The following SPOP variants were observed in gnomAD, a reference collection of about 807,000 sequenced individuals.
The protein encoded by SPOP is speckle type BTB/POZ protein.
SPOP carries 11 observed loss-of-function variants against 45.6 expected under a neutral mutation model. That is an observed-to-expected ratio of 0.24 (90% CI 0.15 to 0.40). SPOP has a LOEUF of 0.40. SPOP is among the 10% of genes least tolerant of loss of function. SPOP has a pLI of 1.00. For missense variants in SPOP, 152 were observed against 465.6 expected (o/e 0.33, Z 6.20); for synonymous variants, 166 against 166.3 (o/e 1.00, Z 0.01).
chr17:49,603,725 A>G (rs2071782743), intron 8 of SPOP, among the ~76,000 whole-genome samples: 1 of 152,262 alleles, frequency 6.6e-6, no homozygotes, highest in Admixed American at 6.5e-5. Flanking sequence ...GTTTTCAAAT[A>G]GGCTTGAAGC....
intron 6 of SPOP, among the ~76,000 whole-genome samples, chr17:49,609,759 TG>T (rs1217818706): frequency 6.6e-6 from 1 of 151,816 alleles, no homozygotes; most frequent in Non-Finnish European, 1.5e-5. Context: ...AACTCAGTTC[TG>T]GGGAAAAGAG....
chr17:49,602,492 C>T (rs577164196), intron 8 of SPOP: 1 of 153,686 alleles, frequency 6.5e-6, no homozygotes, highest in East Asian at 1.9e-4. Flanking sequence ...TTACTGCAAT[C>T]CCCTTAGAGC....
intron 1 of SPOP, among the ~76,000 whole-genome samples, chr17:49,640,099 A>C (rs960543194): frequency 1.1e-4 from 16 of 152,128 alleles, no homozygotes; most frequent in Admixed American, 3.9e-4. Context: ...AAAATACAAA[A>C]AAAATTAGCC....
intron 8 of SPOP, among the ~76,000 whole-genome samples, chr17:49,603,372 A>C (rs568290649): frequency 6.6e-6 from 1 of 152,324 alleles, no homozygotes. Flanking sequence ...TTCTCAATAC[A>C]TTCTTTTAAA....
chr17:49,641,593 A>G (rs1440733881), intron 1 of SPOP, among the ~76,000 whole-genome samples: 1 of 151,884 alleles, frequency 6.6e-6, no homozygotes, highest in Non-Finnish European at 1.5e-5. Context: ...AAAAACCCAG[A>G]ATGTTTCTCC....
chr17:49,641,704 TACAA>T (rs2143439181), intron 1 of SPOP, among the ~76,000 whole-genome samples: 1 of 152,244 alleles, frequency 6.6e-6, no homozygotes, highest in Admixed American at 6.6e-5. Flanking sequence ...AAAAAGTTGA[TACAA>T]ACATATTTTC....
rs562558980 is a variant in SPOP, at chr17:49,619,120, A to G, written c.353-12T>C. The G allele has an allele frequency of 2.1e-4, 340 of 1,603,240 alleles. No homozygotes were observed. The highest frequency in any genetic ancestry group is 1.3e-3 in the Middle Eastern group (8 of 6,022). On this transcript the variant is annotated splice_polypyrimidine_tract_variant and intron_variant, in intron 4 of 9. Transcript: ENST00000504102. The surrounding 1 kb of genome is among the most constrained non-coding windows in gnomAD (Gnocchi z 4.9). ...TGCCCGTTGACTCTCTGGGGTGGGG[A>G]AAAAAAAAGTCATATTTAAGGTTAC...
chr17:49,618,092 C>T (rs1019174091), intron 5 of SPOP, among the ~76,000 whole-genome samples: 9 of 152,068 alleles, frequency 5.9e-5, no homozygotes, highest in East Asian at 3.9e-4. Flanking sequence ...ATTATTTGAC[C>T]GAGCGAGTTG....
intron 5 of SPOP, among the ~76,000 whole-genome samples, chr17:49,613,790 C>T (rs2072026004): frequency 6.6e-6 from 1 of 152,132 alleles, no homozygotes; most frequent in Non-Finnish European, 1.5e-5. Context: ...GTCTTCAGAG[C>T]CCAAACTTTT....
At chr17:49,660,067 GT>G (rs1359368496) in intron 1 of SPOP, among the ~76,000 whole-genome samples, 1 of 152,072 alleles carries the variant, frequency 6.6e-6, no homozygotes, top group Non-Finnish European at 1.5e-5. Flanking sequence ...AGTGGTATGG[GT>G]GCAGCCCAGG....
intron 1 of SPOP, among the ~76,000 whole-genome samples, chr17:49,653,885 A>T (rs2072874573): frequency 6.6e-6 from 1 of 151,570 alleles, no homozygotes; most frequent in African/African-American, 2.4e-5. Flanking sequence ...TGTTTACAAG[A>T]TTTAAGTGTT....
rs574543944 is a variant in SPOP, at chr17:49,601,802, C to A, written c.980+63G>T. ...GCCTGCTTTACCCACTAATTCAAAGCCTTTCTCATTTCTTCAGCTATCCAA... is the reference window on the plus strand; with the variant it reads ...GCCTGCTTTACCCACTAATTCAAAGACTTTCTCATTTCTTCAGCTATCCAA... On this transcript the variant is annotated intron_variant, in intron 9 of 9. Transcript: ENST00000504102. 5.3e-5 allele frequency: 85 copies of A among 1,596,926 alleles called. 1 individual carries two copies. The South Asian group carries it at 6.7e-4, about 13-fold the overall frequency.
intron 1 of SPOP, among the ~76,000 whole-genome samples, chr17:49,625,866 T>C (rs1049826863): frequency 6.6e-6 from 1 of 152,206 alleles, no homozygotes; most frequent in African/African-American, 2.4e-5. Context: ...GAAAATAATG[T>C]AAGATGCTTC....
intron 1 of SPOP, among the ~76,000 whole-genome samples, chr17:49,656,318 G>T (rs1182901389): frequency 6.6e-6 from 1 of 152,138 alleles, no homozygotes; most frequent in Non-Finnish European, 1.5e-5. Flanking sequence ...CCTTTCTCCA[G>T]TATTTCTTGT....
intron 6 of SPOP, among the ~76,000 whole-genome samples, chr17:49,608,900 C>CAT (rs1000182079): frequency 4.6e-5 from 7 of 151,642 alleles, no homozygotes; most frequent in African/African-American, 1.7e-4. Context: ...TTAGCTCTGC[C>CAT]ATTTTTTTTT....
At chr17:49,657,900 A>T (rs1338433216) in intron 1 of SPOP, among the ~76,000 whole-genome samples, 2 of 151,494 alleles carry the variant, frequency 1.3e-5, no homozygotes, top group Non-Finnish European at 2.9e-5. Context: ...ACAGGGTGTT[A>T]CCATGTTAGC....
intron 1 of SPOP, among the ~76,000 whole-genome samples, chr17:49,673,363 G>A (rs548973199): frequency 1.9e-4 from 29 of 152,046 alleles, no homozygotes; most frequent in African/African-American, 4.8e-4. Flanking sequence ...AAAATTAGCC[G>A]GGCGTGGTGG....
At chr17:49,629,286 T>C (rs1475065635) in intron 1 of SPOP, among the ~76,000 whole-genome samples, 1 of 152,188 alleles carries the variant, frequency 6.6e-6, no homozygotes, top group African/African-American at 2.4e-5. Context: ...ACTCATCCAG[T>C]TGCATTCAAG....
chr17:49,627,649 C>A (rs778715413), intron 1 of SPOP, among the ~76,000 whole-genome samples: 4 of 152,030 alleles, frequency 2.6e-5, no homozygotes, highest in African/African-American at 4.8e-5. Flanking sequence ...TTATCTAAGC[C>A]CAGGAAAAGG....
Sources: gnomAD v4.1 joint callset for allele counts (sites outside exome capture counted in the v4.1 genomes callset) on GRCh38, gnomAD v4.1.1 for gene constraint, Gnocchi (gnomAD v3.1) non-coding constraint, MANE v1.5 for transcripts, NCBI Gene and HGNC (gene_info 2026-07-23, HGNC 2026-07-21) for gene names.